MDM1: variants seen among roughly 807,000 people sequenced by gnomAD.
MDM1 encodes Mdm1 nuclear protein.
In MDM1, 61 loss-of-function variants were observed where a neutral mutation model predicts 89.1. The ratio of observed to expected loss-of-function variants is 0.68; its 90% CI spans 0.56 to 0.85. The LOEUF (loss-of-function observed/expected upper bound fraction) is 0.85, where lower values mean the gene tolerates loss of function less well. Ranked by LOEUF, MDM1 falls within the 40% of genes least tolerant of loss-of-function variation. The probability of loss-of-function intolerance (pLI) is 0.00; values close to 1 mark genes in which losing one functional copy is unlikely to be tolerated. For synonymous variants in MDM1, 290 were observed against 294.1 expected (o/e 0.99, Z 0.14); for missense variants, 820 against 846.5 (o/e 0.97, Z 0.39).
chr12:68,326,576 A>G, intron 3 of MDM1, 81 bp downstream of exon 3: 1 of 1,613,336 alleles, frequency 6.2e-7, no homozygotes, highest in African/African-American at 1.3e-5. Flanking sequence ...TCTGAAACAC[A>G]AAATGTAATA....
chr12:68,324,353 C>CA (rs1237448464), intron 4 of MDM1, among the ~76,000 whole-genome samples: 2 of 151,792 alleles, frequency 1.3e-5, no homozygotes, highest in East Asian at 3.9e-4. Flanking sequence ...ACTTAATCTC[C>CA]AAAAAAACCT....
intron 9 of MDM1, among the ~76,000 whole-genome samples, chr12:68,315,640 A>G (rs918323352): frequency 6.6e-6 from 1 of 152,208 alleles, no homozygotes; most frequent in East Asian, 1.9e-4. Flanking sequence ...AATCATGTTC[A>G]TTTTAACCCA....
In MDM1 at chr12:68,295,229, T is replaced by C. The variant is rs368713502; in HGVS notation, c.*25A>G. 4 of 1,490,346 alleles carry C rather than the reference T, an allele frequency of 2.7e-6. No individual in the cohort carries two copies. In the African/African-American group the frequency reaches 5.6e-5, roughly 21 times the overall value. 92.3% of individuals were successfully genotyped at this position (1,490,346 alleles called of 1,614,324 possible). A position where few individuals can be genotyped will look rare whatever the true frequency, so the allele number is the denominator to read the frequency against. ...AAAGAAAAATTATGCCAATGTTTCCTTAGATAAAGGCAACTCAGCTAGGTT... is the reference window on the plus strand; with the variant it reads ...AAAGAAAAATTATGCCAATGTTTCCCTAGATAAAGGCAACTCAGCTAGGTT... On this transcript the variant is annotated 3_prime_UTR_variant, in exon 15 of 15. Transcript: ENST00000682720.
At chr12:68,328,103 G>C (rs374081660) in intron 2 of MDM1, among the ~76,000 whole-genome samples, 5 of 152,226 alleles carry the variant, frequency 3.3e-5, no homozygotes, top group South Asian at 4.1e-4. Flanking sequence ...ACTCCAGTGC[G>C]TCCGCCCAAG....
intron 3 of MDM1, chr12:68,326,297 G>A (rs565432317): frequency 7.0e-6 from 9 of 1,286,798 alleles, no homozygotes; most frequent in African/African-American, 3.0e-5. Context: ...CTGAAAAGGG[G>A]CTAGGTAGAA....
At position 68,295,228 on chromosome 12, in the gene MDM1, C is replaced by T. The variant is rs1871214527; in HGVS notation, c.*26G>A. The T allele has an allele frequency of 6.7e-7, 1 of 1,482,620 alleles. No individual in the cohort carries two copies. Among genetic ancestry groups the T allele is most frequent in the Admixed American group, 2.0e-5 (1 of 50,572 alleles). 91.8% of individuals were successfully genotyped at this position (1,482,620 alleles called of 1,614,324 possible). A position where few individuals can be genotyped will look rare whatever the true frequency, so the allele number is the denominator to read the frequency against. ...TAAAGAAAAATTATGCCAATGTTTC[C>T]TTAGATAAAGGCAACTCAGCTAGGT... On this transcript the variant is annotated 3_prime_UTR_variant, in exon 15 of 15. Coordinates refer to ENST00000682720, the MANE Select transcript of MDM1 (RefSeq NM_001354969.2).
Position 68,313,723 on chromosome 12 carries a change from T to A in MDM1, c.1560A>T (p.Gly520=), listed in dbSNP as rs374203156. 6.2e-7 allele frequency: 1 copy of A among 1,614,154 alleles called. No homozygotes were observed. The highest frequency in any genetic ancestry group is 1.1e-5 in the South Asian group (1 of 91,084). The change falls in exon 11 of 15, where the codon GGA becomes GGT. Residue 520 remains glycine (G), a synonymous_variant. Transcript: ENST00000682720. ...GSDSSVSSEK[G]GRLPTPKLRE... ...TCAGCTTGGGAGTAGGAAGCCGGCC[T>A]CCTTTTTCTGAGGATACAGAAGAAT...
Position 68,326,207 on chromosome 12 carries a change from C to T in MDM1, c.498+450G>A, listed in dbSNP as rs573149419. On this transcript the variant is annotated intron_variant, in intron 3 of 14. Transcript: ENST00000682720. The stretch of plus-strand genomic sequence containing the variant: ...ATAAGAGAGCAGAAATGCAAGATCT[C>T]TGAGAGACAGCCAGAGCTCTCCTTC... The T allele has an allele frequency of 4.6e-6, 5 of 1,087,844 alleles. No individual in the cohort carries two copies. In the African/African-American group the frequency reaches 8.2e-5, roughly 18 times the overall value. The allele number at this position is 1,087,844 out of a possible 1,614,324, so 67.4% of individuals were successfully genotyped here.
At chr12:68,325,056 TC>T in intron 4 of MDM1, 1 of 969,946 alleles carries the variant, frequency 1.0e-6, no homozygotes. Context: ...GTTACGCCTT[TC>T]TTAGAATACA....
Position 68,313,346 on chromosome 12 carries a change from C to T in MDM1, c.1749+97G>A, listed in dbSNP as rs182605467. 20 of 885,424 alleles carry T rather than the reference C, an allele frequency of 2.3e-5. 2 individuals carry two copies. The Middle Eastern group carries it at 3.7e-3, about 163-fold the overall frequency. 54.8% of individuals were successfully genotyped at this position (885,424 alleles called of 1,614,324 possible). Reference sequence around the variant, plus strand: ...CAGTATCATCTCCTCATATGATAGCCACAATTCTCTAAAATCTTAACCCAT... The same window carrying T: ...CAGTATCATCTCCTCATATGATAGCTACAATTCTCTAAAATCTTAACCCAT... On this transcript the variant is annotated intron_variant, in intron 12 of 14. Coordinates refer to ENST00000682720, the MANE Select transcript of MDM1 (RefSeq NM_001354969.2).
chr12:68,325,743 C>T (rs1875880190), intron 3 of MDM1, 168 bp from the exon 4 acceptor site: 4 of 1,247,548 alleles, frequency 3.2e-6, no homozygotes, highest in Non-Finnish European at 4.0e-6. Context: ...AAACTTTCTT[C>T]AACTTATAAA....
intron 12 of MDM1, among the ~76,000 whole-genome samples, chr12:68,312,960 T>A (rs930037762): frequency 1.3e-5 from 2 of 152,182 alleles, no homozygotes; most frequent in Non-Finnish European, 1.5e-5. Flanking sequence ...ACCGAGGACT[T>A]CCCTGGCCAC....
intron 5 of MDM1, among the ~76,000 whole-genome samples, chr12:68,321,862 TA>T (rs1875277890): frequency 6.6e-6 from 1 of 152,196 alleles, no homozygotes; most frequent in Non-Finnish European, 1.5e-5. Context: ...TTTCTAACAA[TA>T]AAGATTTTAG....
intron 12 of MDM1, among the ~76,000 whole-genome samples, chr12:68,309,971 T>C (rs1873462873): frequency 6.6e-6 from 1 of 152,162 alleles, no homozygotes; most frequent in Non-Finnish European, 1.5e-5. Flanking sequence ...TATGTACATA[T>C]GTATGTATTT....
chr12:68,313,471 A>G lies in MDM1; in HGVS notation c.1721T>C (p.Leu574Ser). ...QRKRMTSQDC[L>S]ETSKNDFTKK... The stretch of plus-strand genomic sequence containing the variant: ...AGTAAAATCATTCTTTGAAGTTTCT[A>G]AACAATCCTGAGAGGTCATTCTTTT... The change falls in exon 12 of 15, where the codon TTA becomes TCA. Residue 574 changes from leucine (L) to serine (S), a missense_variant. Physicochemically the swap from Leu to Ser is moderately radical, Grantham distance 145. Transcript: ENST00000682720. 15 of 1,613,756 alleles carry G rather than the reference A, an allele frequency of 9.3e-6. No individual in the cohort carries two copies. Among genetic ancestry groups the G allele is most frequent in the Middle Eastern group, 1.6e-4 (1 of 6,062 alleles).
chr12:68,316,325 A>G, intron 8 of MDM1, 72 bp from the exon 9 acceptor site: 1 of 1,459,528 alleles, frequency 6.9e-7, no homozygotes, highest in Non-Finnish European at 9.3e-7. Context: ...GTAGCATATC[A>G]AAGACATTGC....
At chr12:68,332,171 A>G in intron 1 of MDM1, 57 bp downstream of exon 1, 1 of 1,499,706 alleles carries the variant, frequency 6.7e-7, no homozygotes, top group Non-Finnish European at 8.9e-7. Flanking sequence ...GGCGCTCCAC[A>G]CCTCCCCGGC....
intron 2 of MDM1, chr12:68,327,344 C>G: frequency 6.6e-7 from 1 of 1,520,516 alleles, no homozygotes; most frequent in Admixed American, 2.0e-5. Context: ...GCAGTACATG[C>G]TGCCTCGTTT....
intron 12 of MDM1, among the ~76,000 whole-genome samples, chr12:68,309,647 A>G (rs1873417544): frequency 6.6e-6 from 1 of 152,224 alleles, no homozygotes; most frequent in Admixed American, 6.5e-5. Context: ...TGATGATCAA[A>G]CCAATATGAG....
Sources: allele counts gnomAD v4.1 joint callset (sites outside exome capture counted in the v4.1 genomes callset), GRCh38; gene constraint gnomAD v4.1.1; transcripts MANE v1.5; gene names NCBI Gene and HGNC (gene_info 2026-07-23, HGNC 2026-07-21).